GBF1: variants seen among roughly 807,000 people sequenced by gnomAD.
The protein encoded by GBF1 is golgi brefeldin A resistant guanine nucleotide exchange factor 1.
Under a neutral mutation model 210.5 loss-of-function variants are expected in GBF1, and 114 were observed. The ratio of observed to expected loss-of-function variants is 0.54; its 90% CI spans 0.47 to 0.63. The LOEUF is 0.63. GBF1 is among the 30% of genes least tolerant of loss of function. The pLI is 0.00. For missense variants in GBF1, 1,851 were observed against 2,357.7 expected, an observed-to-expected ratio of 0.79 and a Z score of 4.45; for synonymous variants, 850 against 889.2, an observed-to-expected ratio of 0.96 and a Z score of 0.78.
intron 3 of GBF1, among the ~76,000 whole-genome samples, chr10:102,310,843 T>G (rs948095692): frequency 6.6e-6 from 1 of 152,218 alleles, no homozygotes; most frequent in African/African-American, 2.4e-5. Flanking sequence ...AAGCAACATT[T>G]ATAGCTGATT....
chr10:102,382,610 T>C lies in GBF1; in HGVS notation c.*274T>C, dbSNP rs947678523. On this transcript the variant is annotated 3_prime_UTR_variant, in exon 40 of 40. Transcript: ENST00000369983. ...CAGCCTCTGCCTCCAGCCCGGCAGC[T>C]CTGGGGAGGCATCCGTGTGCCGGCC... 2 of 406,358 alleles carry C rather than the reference T, an allele frequency of 4.9e-6. No individual in the cohort carries two copies. The highest frequency in any genetic ancestry group is 8.8e-6 in the Non-Finnish European group (2 of 228,172). The allele number at this position is 406,358 out of a possible 1,614,324, so 25.2% of individuals were successfully genotyped here.
Position 102,365,264 on chromosome 10 carries a change from C to G in GBF1, c.2107-133C>G, listed in dbSNP as rs148536427. 3.7e-5 allele frequency: 24 copies of G among 656,018 alleles called. No homozygotes were observed. The East Asian group carries it at 6.5e-4, about 18-fold the overall frequency. The allele number at this position is 656,018 out of a possible 1,614,324, so 40.6% of individuals were successfully genotyped here. A position where few individuals can be genotyped will look rare whatever the true frequency, so the allele number is the denominator to read the frequency against. ...AGGCCATTATGATCTAGCCTTAGTTCTGTAATCACTAAGAACCACATCCTA... is the reference window on the plus strand; with the variant it reads ...AGGCCATTATGATCTAGCCTTAGTTGTGTAATCACTAAGAACCACATCCTA... On this transcript the variant is annotated intron_variant, in intron 17 of 39. Coordinates refer to ENST00000369983, the MANE Select transcript of GBF1 (RefSeq NM_001377137.1).
intron 3 of GBF1, among the ~76,000 whole-genome samples, chr10:102,331,176 G>A (rs1474295939): frequency 6.6e-6 from 1 of 152,078 alleles, no homozygotes; most frequent in Non-Finnish European, 1.5e-5. Context: ...TGGGGGCAAG[G>A]TCCTGACAAA....
At chr10:102,344,427 G>A (rs1025772738) in intron 4 of GBF1, among the ~76,000 whole-genome samples, 1 of 152,170 alleles carries the variant, frequency 6.6e-6, no homozygotes, top group Non-Finnish European at 1.5e-5. Flanking sequence ...TTTGGAAAGA[G>A]TTAAGGGTAT....
chr10:102,379,078 G>A (rs527446841), intron 33 of GBF1, among the ~76,000 whole-genome samples: 1 of 152,316 alleles, frequency 6.6e-6, no homozygotes, highest in African/African-American at 2.4e-5. Context: ...TCTCTCTCAT[G>A]AGTAATCTCT....
In GBF1 at chr10:102,317,902, T is replaced by TTTTA. The variant is rs569824566; in HGVS notation, c.164-26129_164-26126dup. ...TGTTGTTGGTTATTTATTTATTTAT[T>TTTTA]TTTATTTATTTATTTATTTATTTTG... On this transcript the variant is annotated intron_variant, in intron 3 of 39. Coordinates refer to ENST00000369983, the MANE Select transcript of GBF1 (RefSeq NM_001377137.1). Among the ~76,000 whole-genome samples the TTTTA allele has an allele frequency of 1.3e-4, 9 of 67,266 alleles. No homozygotes were observed. In the South Asian group the frequency reaches 2.9e-3, roughly 22 times the overall value. 44.1% of individuals were successfully genotyped at this position (67,266 alleles called of 152,430 possible). A position where few individuals can be genotyped will look rare whatever the true frequency, so the allele number is the denominator to read the frequency against.
At chr10:102,274,965 G>A (rs1011746944) in intron 3 of GBF1, among the ~76,000 whole-genome samples, 39 of 151,066 alleles carry the variant, frequency 2.6e-4, no homozygotes, top group African/African-American at 9.3e-4. Flanking sequence ...GCCCGCCTTG[G>A]CCTCCCAAAG....
At chr10:102,343,126 G>A (rs2058311107) in intron 3 of GBF1, among the ~76,000 whole-genome samples, 1 of 152,218 alleles carries the variant, frequency 6.6e-6, no homozygotes, top group Non-Finnish European at 1.5e-5. Context: ...AGGCCGGACA[G>A]TGGTTACGAA....
Position 102,365,488 on chromosome 10 carries a change from A to G in GBF1, c.2198A>G (p.Asp733Gly). ...QEKGLLTIPM[D>G]NTEVAQWLRE... ...AAAGGCCTCCTCACCATCCCAATGG[A>G]CAACACAGAGGTTGCTCAGTGGCTC... is the stretch of plus-strand genomic sequence containing the variant. The change falls in exon 18 of 40, where the codon GAC becomes GGC. Residue 733 changes from aspartate to glycine, a missense_variant. Asp to Gly is a moderately conservative substitution (Grantham distance 94). Transcript: ENST00000369983. 6.2e-7 allele frequency: 1 copy of G among 1,614,088 alleles called. No individual in the cohort carries two copies. The highest frequency in any genetic ancestry group is 2.2e-5 in the East Asian group (1 of 44,894).
chr10:102,236,280 A>G, the GBF1 span, among the ~76,000 whole-genome samples: 2 of 152,228 alleles, frequency 1.3e-5, no homozygotes, highest in Non-Finnish European at 2.9e-5. Context: ...AGGGAAGAAC[A>G]AGCAGTAGGT....
chr10:102,239,596 G>C, the GBF1 span, among the ~76,000 whole-genome samples: 1 of 152,342 alleles, frequency 6.6e-6, no homozygotes, highest in African/African-American at 2.4e-5. Context: ...ATGGACATGG[G>C]AGTATGGGGA....
chr10:102,258,417 A>G (rs1325218089), intron 1 of GBF1, among the ~76,000 whole-genome samples: 3 of 149,888 alleles, frequency 2.0e-5, no homozygotes, highest in Non-Finnish European at 3.0e-5. Context: ...CTGCCTCTCA[A>G]AGTGCTGGGA....
intron 33 of GBF1, among the ~76,000 whole-genome samples, chr10:102,379,029 G>C (rs1407448248): frequency 1.3e-5 from 2 of 152,190 alleles, no homozygotes; most frequent in African/African-American, 4.8e-5. Context: ...CTGTGAGTAA[G>C]GATTGTGAAA....
chr10:102,376,558 A>G lies in GBF1; in HGVS notation c.4048-2A>G. 6.2e-7 allele frequency: 1 copy of G among 1,614,032 alleles called. No individual in the cohort carries two copies. Among genetic ancestry groups the G allele is most frequent in the Non-Finnish European group, 8.5e-7 (1 of 1,179,952 alleles). On this transcript the variant is annotated splice_acceptor_variant, in intron 31 of 39. Transcript: ENST00000369983. LOFTEE classifies it high-confidence loss of function. ...TCCCCAGCTCCTCTGTGTACTTTAC[A>G]GGTTGGGAAGGATGACGTTGATAAC...
intron 3 of GBF1, among the ~76,000 whole-genome samples, chr10:102,272,882 G>GT (rs994424267): frequency 6.6e-6 from 1 of 152,102 alleles, no homozygotes; most frequent in Admixed American, 6.5e-5. Flanking sequence ...TTACAGATAT[G>GT]TTTTTTTCCA....
At position 102,351,919 on chromosome 10, in the gene GBF1, G is replaced by A; in HGVS notation, c.491G>A (p.Cys164Tyr). The stretch of plus-strand genomic sequence containing the variant: ...TCTGTGTGTGAGATTATGCAGTCTT[G>A]CTTCCGGATCTGCTTTGAAATGAGG... ...NESVCEIMQS[C>Y]FRICFEMRLS... The change falls in exon 6 of 40, where the codon TGC becomes TAC. Residue 164 changes from cysteine to tyrosine, a missense_variant. By Grantham distance (194) the Cys-to-Tyr change is radical. Transcript: ENST00000369983. The A allele has an allele frequency of 1.9e-6, 3 of 1,609,694 alleles. No individual in the cohort carries two copies. Among genetic ancestry groups the A allele is most frequent in the Non-Finnish European group, 2.6e-6 (3 of 1,175,974 alleles).
the GBF1 span, chr10:102,231,625 A>G: frequency 1.1e-5 from 17 of 1,611,506 alleles, no homozygotes; most frequent in Admixed American, 1.7e-5. Flanking sequence ...CCACACGGCG[A>G]TCTCCTCGCG....
At chr10:102,319,106 A>G (rs1350482050) in intron 3 of GBF1, among the ~76,000 whole-genome samples, 2 of 152,214 alleles carry the variant, frequency 1.3e-5, no homozygotes, top group African/African-American at 2.4e-5. Context: ...TCACGAGGTC[A>G]GGAGATCGTG....
chr10:102,356,335 TG>T (rs1441666699), intron 8 of GBF1, among the ~76,000 whole-genome samples: 1 of 152,204 alleles, frequency 6.6e-6, no homozygotes, highest in Non-Finnish European at 1.5e-5. Flanking sequence ...GTCATTCTAA[TG>T]GTTTCTGGAA....
Sources: allele counts gnomAD v4.1 joint callset (sites outside exome capture counted in the v4.1 genomes callset), GRCh38; gene constraint gnomAD v4.1.1; transcripts MANE v1.5; gene names NCBI Gene and HGNC (gene_info 2026-07-23, HGNC 2026-07-21).